The following COL14A1 variants were observed in gnomAD, a reference collection of about 807,000 sequenced individuals.
The protein encoded by COL14A1 is collagen alpha-1(XIV) chain.
COL14A1 carries 136 observed loss-of-function variants against 230.3 expected under a neutral mutation model. The ratio of observed to expected loss-of-function variants is 0.59; its 90% CI spans 0.51 to 0.68. The LOEUF (loss-of-function observed/expected upper bound fraction) is 0.68, where lower values mean the gene tolerates loss of function less well. COL14A1 is among the 30% of genes least tolerant of loss of function. The pLI is 0.00. For synonymous variants in COL14A1, 792 were observed against 784.1 expected (o/e 1.01, Z -0.17); for missense variants, 1,976 against 2,215.8 (o/e 0.89, Z 2.17).
At chr8:120,315,369 T>A (rs1206231773) in intron 38 of COL14A1, among the ~76,000 whole-genome samples, 164 bp from the exon 39 acceptor site, 2 of 111,856 alleles carry the variant, frequency 1.8e-5, no homozygotes, top group Non-Finnish European at 3.5e-5. Context: ...AGACTCCATT[T>A]AAAAAAAAAA....
intron 34 of COL14A1, among the ~76,000 whole-genome samples, chr8:120,292,883 T>G (rs976443105): frequency 6.6e-6 from 1 of 152,048 alleles, no homozygotes; most frequent in Non-Finnish European, 1.5e-5. Context: ...AAGGATACAG[T>G]AACTACTCGA....
intron 45 of COL14A1, among the ~76,000 whole-genome samples, chr8:120,347,512 G>A (rs1178593826): frequency 6.6e-6 from 1 of 152,134 alleles, no homozygotes; most frequent in Non-Finnish European, 1.5e-5. Context: ...CTCATTCCCG[G>A]CAAAGTTATT....
intron 40 of COL14A1, among the ~76,000 whole-genome samples, chr8:120,323,335 G>A (rs1296772514): frequency 6.6e-6 from 1 of 151,720 alleles, no homozygotes; most frequent in Non-Finnish European, 1.5e-5. Context: ...CAGATGCATA[G>A]TTTGCAAAAA....
At chr8:120,348,169 G>GTA (rs532464787) in intron 45 of COL14A1, among the ~76,000 whole-genome samples, 3,511 of 102,948 alleles carry the variant, frequency 0.034, 75 homozygotes, top group Non-Finnish European at 0.042. Flanking sequence ...AAACTGTGGT[G>GTA]TATATATATA....
Position 120,226,639 on chromosome 8 carries a change from C to T in COL14A1, c.1877C>T (p.Ala626Val). 6.2e-7 allele frequency: 1 copy of T among 1,612,516 alleles called. No individual in the cohort carries two copies. Among genetic ancestry groups the T allele is most frequent in the Non-Finnish European group, 8.5e-7 (1 of 1,178,992 alleles). ...TGVFTTEEVP[A>V]QQYLEIDEVT... The stretch of plus-strand genomic sequence containing the variant: ...CCTCGGTTTACAGAGGAAGTTCCAG[C>T]CCAGCAATACTTAGAAATTGATGAG... The change falls in exon 16 of 48, where the codon GCC becomes GTC. Residue 626 changes from alanine to valine, a missense_variant. Physicochemically the swap from Ala to Val is moderately conservative, Grantham distance 64 (BLOSUM62 0). Transcript: ENST00000297848.
chr8:120,316,410 A>C (rs773641112), intron 40 of COL14A1, among the ~76,000 whole-genome samples: 89 of 152,204 alleles, frequency 5.8e-4, no homozygotes, highest in Admixed American at 2.6e-4. Flanking sequence ...CATTTATTTA[A>C]TATCATTCAA....
rs1271747115 is a variant in COL14A1, at chr8:120,191,486, A to AGGTGT, written c.437-5295_437-5291dup. Among the ~76,000 whole-genome samples, 52 of 150,444 alleles carry AGGTGT rather than the reference A, an allele frequency of 3.5e-4. No homozygotes were observed. The East Asian group carries it at 9.7e-3, about 28-fold the overall frequency. On this transcript the variant is annotated intron_variant, in intron 5 of 47. Transcript: ENST00000297848. ...CCAACTATGTGGTCAATTTTGGAATAGGTGTGGTGTGGTGCTGAAAAAAAT... is the reference window on the plus strand; with the variant it reads ...CCAACTATGTGGTCAATTTTGGAATAGGTGTGGTGTGGTGTGGTGCTGAAAAAAAT...
At position 120,237,918 on chromosome 8, in the gene COL14A1, G is replaced by T. The variant is rs140876924; in HGVS notation, c.2350-5961G>T. On this transcript the variant is annotated intron_variant, in intron 19 of 47. Transcript: ENST00000297848. ...TTGGTGGAGGGCCATTCCAGACCCT[G>T]TGTGCCTGGGTATCATCAGCAGAGG... Among the ~76,000 whole-genome samples the T allele has an allele frequency of 1.6e-3, 248 of 152,262 alleles. 3 individuals are homozygous for T. In the East Asian group the frequency reaches 0.043, roughly 27 times the overall value.
At chr8:120,190,823 T>C (rs1816798219) in intron 5 of COL14A1, among the ~76,000 whole-genome samples, 2 of 152,208 alleles carry the variant, frequency 1.3e-5, no homozygotes, top group African/African-American at 4.8e-5. Context: ...TTTTCTAGTT[T>C]ATTTGCATAG....
intron 23 of COL14A1, among the ~76,000 whole-genome samples, chr8:120,256,690 C>T (rs1056501500): frequency 6.6e-6 from 1 of 152,136 alleles, no homozygotes; most frequent in African/African-American, 2.4e-5. Context: ...AAAGCACAGG[C>T]AACAATTTGA....
intron 6 of COL14A1, 90 bp downstream of exon 6, chr8:120,197,036 G>A: frequency 1.5e-6 from 2 of 1,294,972 alleles, no homozygotes; most frequent in Non-Finnish European, 2.2e-6. Flanking sequence ...TCCTTACAAA[G>A]TGACTTTCAG....
intron 44 of COL14A1, among the ~76,000 whole-genome samples, chr8:120,343,208 C>A (rs1327473660): frequency 6.6e-6 from 1 of 152,032 alleles, no homozygotes; most frequent in African/African-American, 2.4e-5. Flanking sequence ...TAGTGTGGGC[C>A]CTTCGCTTTG....
At chr8:120,319,741 G>A (rs1333154658) in intron 40 of COL14A1, among the ~76,000 whole-genome samples, 2 of 152,044 alleles carry the variant, frequency 1.3e-5, no homozygotes, top group African/African-American at 2.4e-5. Flanking sequence ...TTCAACTCTG[G>A]GCCTGAGGCC....
intron 45 of COL14A1, among the ~76,000 whole-genome samples, chr8:120,345,788 G>A (rs1244188746): frequency 6.6e-6 from 1 of 152,170 alleles, no homozygotes; most frequent in East Asian, 1.9e-4. Context: ...AAAGAGGAAG[G>A]TTAGAACCCC....
chr8:120,321,157 G>A (rs950586934), intron 40 of COL14A1, among the ~76,000 whole-genome samples: 11 of 152,104 alleles, frequency 7.2e-5, no homozygotes, highest in Admixed American at 3.9e-4. Flanking sequence ...AAGATGTTGC[G>A]CCCAGCATTT....
At chr8:120,244,942 C>CA (rs1372624118) in intron 20 of COL14A1, among the ~76,000 whole-genome samples, 2 of 152,144 alleles carry the variant, frequency 1.3e-5, no homozygotes, top group African/African-American at 4.8e-5. Flanking sequence ...ATCAACCTAC[C>CA]ACCTGGATCC....
chr8:120,137,189 T>A (rs1814743324), intron 1 of COL14A1, among the ~76,000 whole-genome samples: 1 of 152,130 alleles, frequency 6.6e-6, no homozygotes, highest in Non-Finnish European at 1.5e-5. Flanking sequence ...TGTGTCTGTT[T>A]TAGCAAGTTG....
In COL14A1 at chr8:120,160,604, T is replaced by G. The variant is rs973074769; in HGVS notation, c.206-1822T>G. Among the ~76,000 whole-genome samples, 2 of 152,204 alleles carry G rather than the reference T, an allele frequency of 1.3e-5. 1 individual carries two copies. Among genetic ancestry groups the G allele is most frequent in the Admixed American group, 1.3e-4 (2 of 15,278 alleles). ...AATTATTTCTTCATAAATGCTAGGT[T>G]TATTTTCCACAGTGTTCTTACCGCA... On this transcript the variant is annotated intron_variant, in intron 3 of 47. Coordinates refer to ENST00000297848, the MANE Select transcript of COL14A1 (RefSeq NM_021110.4).
chr8:120,364,562 T>C (rs1285369282), intron 45 of COL14A1, among the ~76,000 whole-genome samples: 2 of 152,098 alleles, frequency 1.3e-5, no homozygotes, highest in African/African-American at 4.8e-5. Context: ...TTCACCTAAA[T>C]GTAGTTTGTA....
Sources: gnomAD v4.1 joint callset for allele counts (sites outside exome capture counted in the v4.1 genomes callset) on GRCh38, gnomAD v4.1.1 for gene constraint, MANE v1.5 for transcripts, NCBI Gene and HGNC (gene_info 2026-07-23, HGNC 2026-07-21) for gene names.